The following LUZP1 variants were observed in gnomAD, a reference collection of about 807,000 sequenced individuals.
LUZP1 encodes the protein filamin mechanobinding actin cross-linking protein.
A neutral mutation model predicts 71.3 loss-of-function variants in LUZP1; 25 were observed. The observed-to-expected ratio is 0.35, with a 90% CI of 0.26 to 0.49. The LOEUF is 0.49. LUZP1 is among the 20% of genes least tolerant of loss of function. The pLI, the probability that LUZP1 is intolerant of heterozygous loss-of-function variation, is 0.99. For synonymous variants in LUZP1, 481 were observed against 506.4 expected, an observed-to-expected ratio of 0.95 and a Z score of 0.67; for missense variants, 1,142 against 1,300.8, an observed-to-expected ratio of 0.88 and a Z score of 1.88.
intron 2 of LUZP1, among the ~76,000 whole-genome samples, chr1:23,130,424 T>A (rs1002245191): frequency 6.6e-6 from 1 of 152,072 alleles, no homozygotes; most frequent in African/African-American, 2.4e-5. Context: ...TGTACAATAT[T>A]ATGAATATAA....
chr1:23,103,107 A>ATTT (rs3051246), intron 3 of LUZP1, among the ~76,000 whole-genome samples: 35 of 145,500 alleles, frequency 2.4e-4, no homozygotes, highest in African/African-American at 3.8e-4. Context: ...AATTTTTCTC[A>ATTT]TTTTTTTTTT....
intron 2 of LUZP1, among the ~76,000 whole-genome samples, chr1:23,136,553 C>G (rs1455950694): frequency 6.6e-6 from 1 of 151,986 alleles, no homozygotes. Flanking sequence ...AAAACTGACT[C>G]TGAAAAAATT....
rs538166504 is a variant in LUZP1 at position 23,148,578 on chromosome 1, T to C, written c.-226+20188A>G. ...AGGGAACTGTCACAGTGCAATGTTATAGGAAATATTCCTGAAAATAAGTGG... is the reference window on the plus strand; with the variant it reads ...AGGGAACTGTCACAGTGCAATGTTACAGGAAATATTCCTGAAAATAAGTGG... On this transcript the variant is annotated intron_variant, in intron 2 of 4. Coordinates refer to ENST00000302291, the Ensembl canonical transcript of LUZP1. Among the ~76,000 whole-genome samples the C allele has an allele frequency of 4.6e-5, 7 of 152,288 alleles. No homozygotes were observed. In the South Asian group the frequency reaches 1.5e-3, roughly 32 times the overall value.
chr1:23,084,896 A>G (rs1312456044), exon 5 of LUZP1: 2 of 152,678 alleles, frequency 1.3e-5, no homozygotes, highest in African/African-American at 2.4e-5. Flanking sequence ...AGCTGCGCCA[A>G]CGCATAGAAG....
At chr1:23,105,394 G>A (rs538030600) in intron 3 of LUZP1, among the ~76,000 whole-genome samples, 7 of 152,198 alleles carry the variant, frequency 4.6e-5, no homozygotes, top group Admixed American at 1.3e-4. Context: ...TCTTTTGCAG[G>A]CAACGTGATA....
exon 4 of LUZP1, chr1:23,091,390 T>C (rs1174802399): frequency 3.1e-6 from 5 of 1,614,080 alleles, no homozygotes; most frequent in Admixed American, 1.7e-5. Flanking sequence ...GAGAAGTCTG[T>C]GGAAGACCTC....
rs35522356 is a variant in LUZP1, at chr1:23,119,251, C to CTTTTTTT, written c.-225-10131_-225-10125dup. Among the ~76,000 whole-genome samples, 30 of 70,026 alleles carry CTTTTTTT rather than the reference C, an allele frequency of 4.3e-4. 1 individual carries two copies. The highest frequency in any genetic ancestry group is 4.5e-4 in the Non-Finnish European group (18 of 40,186). 45.9% of individuals were successfully genotyped at this position (70,026 alleles called of 152,430 possible). ...TTTTAACGACCTGATGTGACTAGCT[C>CTTTTTTT]TTTTTTTTTTTTTTTTTTTTTTTTT... On this transcript the variant is annotated intron_variant, in intron 2 of 4. Transcript: ENST00000302291.
intron 3 of LUZP1, among the ~76,000 whole-genome samples, chr1:23,108,497 G>T (rs1644001836): frequency 6.6e-6 from 1 of 152,158 alleles, no homozygotes; most frequent in African/African-American, 2.4e-5. Flanking sequence ...TTACTAGGGA[G>T]GCTGAGGTGG....
intron 2 of LUZP1, among the ~76,000 whole-genome samples, chr1:23,125,831 TTGCC>T (rs546599548): frequency 5.9e-5 from 9 of 152,170 alleles, no homozygotes; most frequent in East Asian, 1.9e-4. Flanking sequence ...AAGCAAGTAC[TTGCC>T]TGCCTGCCTG....
chr1:23,177,080 G>C (rs538872060), intron 1 of LUZP1, among the ~76,000 whole-genome samples: 4 of 151,482 alleles, frequency 2.6e-5, no homozygotes, highest in Non-Finnish European at 4.4e-5. Flanking sequence ...TGATGGGGGG[G>C]GGGTCTCACT....
At chr1:23,090,912 G>A (rs2124586118) in intron 4 of LUZP1, 1 of 718,086 alleles carries the variant, frequency 1.4e-6, no homozygotes, top group Non-Finnish European at 2.6e-6. Context: ...GCAAACCAAG[G>A]GAAGAGAAGA....
At chr1:23,127,730 A>T (rs1277676584) in intron 2 of LUZP1, among the ~76,000 whole-genome samples, 1 of 152,082 alleles carries the variant, frequency 6.6e-6, no homozygotes, top group Non-Finnish European at 1.5e-5. Context: ...TCTCCATGTT[A>T]GCCAGGATGG....
intron 2 of LUZP1, among the ~76,000 whole-genome samples, chr1:23,152,002 CAAAA>C (rs577798980): frequency 1.6e-5 from 1 of 63,634 alleles, no homozygotes; most frequent in Non-Finnish European, 3.3e-5. Context: ...ACTCAGTCTC[CAAAA>C]AAAAAAAAAA....
chr1:23,084,353 C>T (rs1643724915), exon 5 of LUZP1: 1 of 152,146 alleles, frequency 6.6e-6, no homozygotes, highest in Non-Finnish European at 1.5e-5. Context: ...GCTCCTTCCT[C>T]CATCCTCAGA....
chr1:23,139,167 C>T (rs1644284265), intron 2 of LUZP1, among the ~76,000 whole-genome samples: 1 of 149,572 alleles, frequency 6.7e-6, no homozygotes, highest in African/African-American at 2.5e-5. Context: ...CACTCATTTC[C>T]CATTCATGCC....
chr1:23,093,988 T>A lies in LUZP1; in HGVS notation c.274A>T (p.Met92Leu), dbSNP rs192209530. 30 of 1,614,228 alleles carry A rather than the reference T, an allele frequency of 1.9e-5. No homozygotes were observed. The East Asian group carries it at 5.6e-4, about 30-fold the overall frequency. The change falls in exon 4 of 5, where the codon ATG becomes TTG. Residue 92 changes from methionine (M) to leucine (L), a missense_variant. By Grantham distance (15) the Met-to-Leu change is conservative. Transcript: ENST00000302291. This position sits in a 1 kb window ranked among gnomAD's most constrained non-coding sequence, Gnocchi z 4.2. ...TCTTCCTCTTCAAGTTTCTCCTTCA[T>A]CAGACGACACAGATCCTCTGCTCTC...
intron 2 of LUZP1, among the ~76,000 whole-genome samples, chr1:23,151,846 A>G (rs965887700): frequency 6.6e-6 from 1 of 152,020 alleles, no homozygotes; most frequent in Non-Finnish European, 1.5e-5. Context: ...TAATAAAGAT[A>G]TAAAAATTAG....
intron 3 of LUZP1, among the ~76,000 whole-genome samples, chr1:23,095,765 C>A (rs898078409): frequency 6.6e-6 from 1 of 152,174 alleles, no homozygotes. Context: ...AATTTATAAT[C>A]TTAGACCTGC....
chr1:23,177,994 C>T (rs139385726), upstream of LUZP1, among the ~76,000 whole-genome samples: 14 of 152,336 alleles, frequency 9.2e-5, no homozygotes, highest in African/African-American at 2.4e-4. Flanking sequence ...ACCCCGGGAG[C>T]GCAGCCAGGA....
Sources: allele counts gnomAD v4.1 joint callset (sites outside exome capture counted in the v4.1 genomes callset), GRCh38; gene constraint gnomAD v4.1.1; non-coding constraint Gnocchi (gnomAD v3.1); transcripts MANE v1.5; gene names NCBI Gene and HGNC (gene_info 2026-07-23, HGNC 2026-07-21).